The following CD300LG variants were observed in gnomAD, a reference collection of about 807,000 sequenced individuals.
CD300LG encodes CMRF35-like molecule 9.
In CD300LG, 29 loss-of-function variants were observed where a neutral mutation model predicts 31.5. That is an observed-to-expected ratio of 0.92 (90% CI 0.68 to 1.25). CD300LG has a LOEUF of 1.25. Among genes scored for constraint, CD300LG ranks in the 50% most tolerant of loss-of-function variants. The probability of loss-of-function intolerance (pLI) is 0.00; values close to 1 mark genes in which losing one functional copy is unlikely to be tolerated. For synonymous variants in CD300LG, 175 were observed against 177.2 expected, an observed-to-expected ratio of 0.99 and a Z score of 0.10; for missense variants, 396 against 417.6, an observed-to-expected ratio of 0.95 and a Z score of 0.45.
At chr17:43,858,489 T>C in intron 6 of CD300LG, 8 of 985,368 alleles carry the variant, frequency 8.1e-6, no homozygotes, top group Non-Finnish European at 9.6e-6. Flanking sequence ...TTGGGCTTTT[T>C]CCTGCCTGAG....
intron 4 of CD300LG, among the ~76,000 whole-genome samples, 161 bp from the exon 5 acceptor site, chr17:43,855,046 A>G (rs1443983710): frequency 6.6e-6 from 1 of 151,460 alleles, no homozygotes; most frequent in Non-Finnish European, 1.5e-5. Flanking sequence ...GTAGCACTAA[A>G]TACCACCCCC....
chr17:43,847,322 G>A, intron 1 of CD300LG, 63 bp downstream of exon 1: 1 of 1,500,360 alleles, frequency 6.7e-7, no homozygotes, highest in Non-Finnish European at 9.0e-7. Flanking sequence ...GCAGGGAAAG[G>A]ACCTCTTGAC....
chr17:43,857,077 G>A (rs8066495), intron 5 of CD300LG, 27 bp from the exon 6 acceptor site: 1 of 1,613,596 alleles, frequency 6.2e-7, no homozygotes, highest in Non-Finnish European at 8.5e-7. Flanking sequence ...TGGCTTCAAG[G>A]GGCTCCTCCT....
intron 5 of CD300LG, among the ~76,000 whole-genome samples, chr17:43,856,598 AGGAAATGT>A (rs971801589): frequency 3.9e-4 from 60 of 152,286 alleles, no homozygotes; most frequent in African/African-American, 1.4e-3. Context: ...GGCTCCTAGG[AGGAAATGT>A]GGGCTTTGTC....
rs1302557687 is a variant in CD300LG, at chr17:43,863,336, TG to T, written c.*1426del. On this transcript the variant is annotated 3_prime_UTR_variant, in exon 7 of 7. Coordinates refer to ENST00000317310, the MANE Select transcript of CD300LG (RefSeq NM_145273.4). ...GTCTGGCCCTATTTCCTTTAAAAAG[TG>T]AAATTAAGAGTTGTTCAGTATGCAA... The T allele has an allele frequency of 1.3e-5, 2 of 151,982 alleles. No homozygotes were observed. The highest frequency in any genetic ancestry group is 4.8e-5 in the African/African-American group (2 of 41,344). The allele number at this position is 151,982 out of a possible 1,614,324, so 9.4% of individuals were successfully genotyped here.
chr17:43,847,347 A>G, intron 1 of CD300LG, 88 bp downstream of exon 1: 2 of 1,160,794 alleles, frequency 1.7e-6, no homozygotes, highest in South Asian at 2.7e-5. Flanking sequence ...TGATAGCCCC[A>G]CCCCACCTAT....
rs2143426501 is a variant in CD300LG, at chr17:43,862,013, C to A, written c.*102C>A. The A allele has an allele frequency of 1.3e-6, 1 of 764,424 alleles. No individual in the cohort carries two copies. Among genetic ancestry groups the A allele is most frequent in the Non-Finnish European group, 2.0e-6 (1 of 497,454 alleles). 47.4% of individuals were successfully genotyped at this position (764,424 alleles called of 1,614,324 possible). Reference sequence around the variant, plus strand: ...CCACCTCAGCCTCAGAGTCCAGCTGCCCGGACTCCAGGGCTCTCCCCACCC... The same window carrying A: ...CCACCTCAGCCTCAGAGTCCAGCTGACCGGACTCCAGGGCTCTCCCCACCC... On this transcript the variant is annotated 3_prime_UTR_variant, in exon 7 of 7. Coordinates refer to ENST00000317310, the MANE Select transcript of CD300LG (RefSeq NM_145273.4).
At position 43,863,334 on chromosome 17, in the gene CD300LG, A is replaced by G. The variant is rs2046682376; in HGVS notation, c.*1423A>G. 6.6e-6 allele frequency: 1 copy of G among 152,196 alleles called. No individual in the cohort carries two copies. Among genetic ancestry groups the G allele is most frequent in the African/African-American group, 2.4e-5 (1 of 41,442 alleles). 9.4% of individuals were successfully genotyped at this position (152,196 alleles called of 1,614,324 possible). On this transcript the variant is annotated 3_prime_UTR_variant, in exon 7 of 7. Transcript: ENST00000317310. ...GTGTCTGGCCCTATTTCCTTTAAAA[A>G]GTGAAATTAAGAGTTGTTCAGTATG...
chr17:43,855,059 G>A (rs1408770478), intron 4 of CD300LG, 148 bp from the exon 5 acceptor site: 13 of 325,432 alleles, frequency 4.0e-5, no homozygotes, highest in African/African-American at 1.5e-4. Context: ...CCACCCCCCC[G>A]CACCACCACC....
Position 43,861,825 on chromosome 17 carries a change from C to G in CD300LG, c.913C>G (p.Gln305Glu), listed in dbSNP as rs770663530. The change falls in exon 7 of 7, where the codon CAG becomes GAG. Residue 305 changes from glutamine (Q) to glutamate (E), a missense_variant. Physicochemically the swap from Gln to Glu is conservative, Grantham distance 29 (BLOSUM62 2). Transcript: ENST00000317310. Reference protein sequence around the residue: ...LTAEEKEAPSQAPEGDVISMP... With the variant: ...LTAEEKEAPSEAPEGDVISMP... ...TGCGGAGGAAAAGGAAGCCCCTTCC[C>G]AGGCCCCTGAGGGGGACGTGATCTC... 5 of 1,611,056 alleles carry G rather than the reference C, an allele frequency of 3.1e-6. No individual in the cohort carries two copies. Among genetic ancestry groups the G allele is most frequent in the Non-Finnish European group, 4.2e-6 (5 of 1,178,848 alleles).
At chr17:43,855,113 A>C in intron 4 of CD300LG, 94 bp from the exon 5 acceptor site, 1 of 376,452 alleles carries the variant, frequency 2.7e-6, no homozygotes, top group East Asian at 1.4e-4. Context: ...CACACTAGGG[A>C]TTGGCTTTCT....
intron 6 of CD300LG, 63 bp downstream of exon 6, chr17:43,857,219 C>T: frequency 6.3e-7 from 1 of 1,590,020 alleles, no homozygotes; most frequent in Non-Finnish European, 8.6e-7. Context: ...GTCAAGATTC[C>T]TGGGCTTTGC....
chr17:43,853,285 C>T (rs374865773), intron 3 of CD300LG, among the ~76,000 whole-genome samples: 154 of 152,270 alleles, frequency 1.0e-3, no homozygotes, highest in African/African-American at 3.6e-3. Context: ...GGGGGCAAGC[C>T]AGAAAGGCCA....
rs1461976406 is a variant in CD300LG at position 43,850,872 on chromosome 17, C to T, written c.379+1979C>T. On this transcript the variant is annotated intron_variant, in intron 2 of 6. Transcript: ENST00000317310. ...AAGTATAAGTCCCGGCATGGTGGCT[C>T]ACGCCTGTAATCCCAGCACTTTGGG... Among the ~76,000 whole-genome samples the T allele has an allele frequency of 1.3e-5, 2 of 152,076 alleles. 1 individual carries two copies. Among genetic ancestry groups the T allele is most frequent in the East Asian group, 3.8e-4 (2 of 5,198 alleles).
chr17:43,854,173 C>A, intron 4 of CD300LG, 129 bp downstream of exon 4: 1 of 699,994 alleles, frequency 1.4e-6, no homozygotes, highest in Non-Finnish European at 2.4e-6. Flanking sequence ...CAGCCTGCAG[C>A]ACAGAGAGTC....
chr17:43,861,189 TG>T (rs2046646305), intron 6 of CD300LG: 2 of 985,240 alleles, frequency 2.0e-6, no homozygotes, highest in South Asian at 9.4e-5. Flanking sequence ...GCAGGGCCCA[TG>T]GGGTCTCTCA....
intron 6 of CD300LG, chr17:43,858,717 C>G (rs1432243749): frequency 6.1e-6 from 6 of 984,976 alleles, no homozygotes; most frequent in Non-Finnish European, 4.8e-6. Context: ...TTAGCAGAGT[C>G]TGGAGATGGA....
rs1223545158 is a variant in CD300LG at position 43,861,916 on chromosome 17, G to C, written c.*5G>C. On this transcript the variant is annotated 3_prime_UTR_variant, in exon 7 of 7. Transcript: ENST00000317310. The stretch of plus-strand genomic sequence containing the variant: ...TCGAAGTTTGTCTCAGCGTAGGGCA[G>C]GAGGCCCTCCTGGCCAGGCCAGCAG... 6.3e-7 allele frequency: 1 copy of C among 1,597,946 alleles called. No individual in the cohort carries two copies. The highest frequency in any genetic ancestry group is 2.3e-5 in the East Asian group (1 of 44,326).
chr17:43,848,980 C>A (rs1410861368), intron 2 of CD300LG, 87 bp downstream of exon 2: 24 of 1,182,862 alleles, frequency 2.0e-5, no homozygotes, highest in Non-Finnish European at 2.7e-5. Context: ...CTGGTACCAA[C>A]ATTATGGGCA....
Sources: gnomAD v4.1 joint callset for allele counts (sites outside exome capture counted in the v4.1 genomes callset) on GRCh38, gnomAD v4.1.1 for gene constraint, MANE v1.5 for transcripts, NCBI Gene and HGNC (gene_info 2026-07-23, HGNC 2026-07-21) for gene names.